The following MCTP1 variants were observed in gnomAD, a reference collection of about 807,000 sequenced individuals.
MCTP1 encodes multiple C2 and transmembrane domain containing 1.
MCTP1 carries 69 observed loss-of-function variants against 120.6 expected under a neutral mutation model. The ratio of observed to expected loss-of-function variants is 0.57; its 90% CI spans 0.47 to 0.70. MCTP1 has a LOEUF of 0.70. Ranked by LOEUF, MCTP1 falls within the 30% of genes least tolerant of loss-of-function variation. The probability of loss-of-function intolerance (pLI) is 0.00; values close to 1 mark genes in which losing one functional copy is unlikely to be tolerated. For synonymous variants in MCTP1, 529 were observed against 493.1 expected (o/e 1.07, Z -0.96); for missense variants, 1,203 against 1,248.8 (o/e 0.96, Z 0.55).
chr5:94,836,758 C>T (rs1441367208), intron 17 of MCTP1, among the ~76,000 whole-genome samples: 1 of 152,180 alleles, frequency 6.6e-6, no homozygotes, highest in Admixed American at 6.5e-5. Flanking sequence ...ACAACATCTT[C>T]GCTTTTCTTA....
At chr5:94,747,325 A>G (rs1320911952) in intron 19 of MCTP1, among the ~76,000 whole-genome samples, 1 of 152,216 alleles carries the variant, frequency 6.6e-6, no homozygotes, top group Non-Finnish European at 1.5e-5. Context: ...AAGAACCATC[A>G]TTTAATCCTC....
intron 2 of MCTP1, among the ~76,000 whole-genome samples, chr5:94,953,832 T>TATATATATACAACTATATATATGC (rs1561916186): frequency 2.2e-5 from 1 of 44,612 alleles, no homozygotes; most frequent in Non-Finnish European, 3.8e-5. Context: ...TATATATACA[T>TATATATATACAACTATATATATGC]ATATATATAT....
rs527589742 is a variant in MCTP1 at position 95,031,073 on chromosome 5, T to G, written c.721-13589A>C. On this transcript the variant is annotated intron_variant, in intron 1 of 22. Coordinates refer to ENST00000515393, the MANE Select transcript of MCTP1 (RefSeq NM_024717.7). Reference sequence around the variant, plus strand: ...TTGAAGATCAGTCTTTCAAATTATCTGAGTCAGACAAAAATTTAAAAAAAA... The same window carrying G: ...TTGAAGATCAGTCTTTCAAATTATCGGAGTCAGACAAAAATTTAAAAAAAA... Among the ~76,000 whole-genome samples the G allele has an allele frequency of 5.8e-4, 88 of 151,830 alleles. 1 individual carries two copies. The South Asian group carries it at 0.018, about 31-fold the overall frequency.
At chr5:95,279,454 A>C (rs1760135264) in intron 1 of MCTP1, among the ~76,000 whole-genome samples, 1 of 152,226 alleles carries the variant, frequency 6.6e-6, no homozygotes, top group Non-Finnish European at 1.5e-5. Context: ...CCAACACTGC[A>C]AGTAACATAG....
At chr5:95,148,485 T>C (rs1242645120) in intron 1 of MCTP1, among the ~76,000 whole-genome samples, 2 of 152,254 alleles carry the variant, frequency 1.3e-5, no homozygotes, top group Non-Finnish European at 2.9e-5. Flanking sequence ...TGGTCTATTC[T>C]GTTAATGCTT....
intron 18 of MCTP1, chr5:94,788,658 C>CT (rs1778257611): frequency 6.6e-6 from 1 of 152,244 alleles, no homozygotes; most frequent in African/African-American, 2.4e-5. Flanking sequence ...GAAGGTGCTT[C>CT]TGTTGGCCCC....
At position 95,270,661 on chromosome 5, in the gene MCTP1, G is replaced by A. The variant is rs75186261; in HGVS notation, c.720+13195C>T. Among the ~76,000 whole-genome samples the A allele has an allele frequency of 3.6e-3, 548 of 152,248 alleles. 5 individuals are homozygous for A. Among genetic ancestry groups the A allele is most frequent in the African/African-American group, 0.012 (493 of 41,530 alleles). ...AGATAGACTGCGGGCCGGGCATATTGACTCATGCCTGTAATCCCAGTACTT... is the reference window on the plus strand; with the variant it reads ...AGATAGACTGCGGGCCGGGCATATTAACTCATGCCTGTAATCCCAGTACTT... On this transcript the variant is annotated intron_variant, in intron 1 of 22. Coordinates refer to ENST00000515393, the MANE Select transcript of MCTP1 (RefSeq NM_024717.7).
intron 2 of MCTP1, among the ~76,000 whole-genome samples, chr5:94,977,231 A>G (rs571691802): frequency 9.9e-5 from 15 of 152,274 alleles, no homozygotes; most frequent in African/African-American, 3.6e-4. Context: ...TTATCCCTCA[A>G]AATAATAAAA....
At chr5:95,113,391 CA>C (rs2152392327) in intron 1 of MCTP1, among the ~76,000 whole-genome samples, 1 of 152,126 alleles carries the variant, frequency 6.6e-6, no homozygotes, top group African/African-American at 2.4e-5. Flanking sequence ...GTAGGAAAAG[CA>C]GTCTTGAATT....
chr5:94,735,186 A>T (rs1763948002), intron 19 of MCTP1, among the ~76,000 whole-genome samples: 2 of 152,102 alleles, frequency 1.3e-5, no homozygotes, highest in South Asian at 4.1e-4. Context: ...GGAGTTACCC[A>T]TTTCCTTGCC....
intron 1 of MCTP1, among the ~76,000 whole-genome samples, chr5:95,230,934 T>A (rs1416178482): frequency 6.6e-6 from 1 of 152,196 alleles, no homozygotes; most frequent in Non-Finnish European, 1.5e-5. Flanking sequence ...TAATCTTATG[T>A]GGAAATGTTG....
intron 1 of MCTP1, among the ~76,000 whole-genome samples, chr5:95,120,431 C>A (rs1038752506): frequency 2.6e-5 from 4 of 151,912 alleles, no homozygotes; most frequent in African/African-American, 9.7e-5. Flanking sequence ...TCCAAAAATT[C>A]TCAACAAAAT....
chr5:95,129,798 T>A (rs1239872561), intron 1 of MCTP1, among the ~76,000 whole-genome samples: 1 of 152,122 alleles, frequency 6.6e-6, no homozygotes, highest in Admixed American at 6.5e-5. Flanking sequence ...GTAGCTGGGA[T>A]TACAGGCACC....
intron 11 of MCTP1, 98 bp downstream of exon 11, chr5:94,894,551 A>G (rs1803439461): frequency 2.3e-6 from 2 of 886,120 alleles, no homozygotes; most frequent in South Asian, 5.8e-5. Context: ...TTCTTCCACC[A>G]GACAACTTCT....
chr5:94,854,188 A>G (rs747708475), intron 17 of MCTP1, among the ~76,000 whole-genome samples: 50 of 152,006 alleles, frequency 3.3e-4, no homozygotes, highest in Non-Finnish European at 6.3e-4. Flanking sequence ...ATTATGAAAT[A>G]AACAAAAGAA....
chr5:94,728,472 A>G (rs77507820), intron 19 of MCTP1, among the ~76,000 whole-genome samples: 3,890 of 152,294 alleles, frequency 0.026, 170 homozygotes, highest in African/African-American at 0.09. Flanking sequence ...GCATGGATTG[A>G]GGCTATGATG....
intron 1 of MCTP1, among the ~76,000 whole-genome samples, chr5:95,101,297 A>G (rs1756712832): frequency 6.6e-6 from 1 of 152,252 alleles, no homozygotes; most frequent in South Asian, 2.1e-4. Context: ...CAAAATTTGT[A>G]CATCCTGAAA....
chr5:95,213,044 T>C (rs1274695699), intron 1 of MCTP1, among the ~76,000 whole-genome samples: 1 of 152,042 alleles, frequency 6.6e-6, no homozygotes, highest in African/African-American at 2.4e-5. Context: ...AAATAAAGGG[T>C]ATTCAGTTAG....
chr5:94,711,578 T>G (rs1346711742), intron 20 of MCTP1, among the ~76,000 whole-genome samples: 5 of 152,110 alleles, frequency 3.3e-5, no homozygotes, highest in African/African-American at 1.2e-4. Context: ...CTTACTATTA[T>G]CTCTCATGTA....
Sources: gnomAD v4.1 joint callset for allele counts (sites outside exome capture counted in the v4.1 genomes callset) on GRCh38, gnomAD v4.1.1 for gene constraint, MANE v1.5 for transcripts, NCBI Gene and HGNC (gene_info 2026-07-23, HGNC 2026-07-21) for gene names.